Variants in XXYLT1 observed in about 807,000 individuals in gnomAD.
XXYLT1 encodes the protein xyloside xylosyltransferase 1.
XXYLT1 carries 20 observed loss-of-function variants against 28.9 expected under a neutral mutation model. That is an observed-to-expected ratio of 0.69 (90% confidence interval 0.49 to 1.00). The LOEUF (loss-of-function observed/expected upper bound fraction) is 1.00, where lower values mean the gene tolerates loss of function less well. Ranked by LOEUF, XXYLT1 falls within the 50% of genes least tolerant of loss-of-function variation. The probability of loss-of-function intolerance (pLI) is 0.00; values close to 1 mark genes in which losing one functional copy is unlikely to be tolerated. For synonymous variants in XXYLT1, 257 were observed against 253.8 expected, an observed-to-expected ratio of 1.01 and a Z score of -0.12; for missense variants, 542 against 560.1, an observed-to-expected ratio of 0.97 and a Z score of 0.33.
At chr3:195,220,276 G>A (rs1231292968) in intron 2 of XXYLT1, among the ~76,000 whole-genome samples, 7 of 152,084 alleles carry the variant, frequency 4.6e-5, no homozygotes, top group African/African-American at 1.7e-4. Flanking sequence ...CAAGTAGCTG[G>A]GACTACAGGC....
chr3:195,149,547 A>C (rs1385867641), intron 3 of XXYLT1, among the ~76,000 whole-genome samples: 1 of 152,238 alleles, frequency 6.6e-6, no homozygotes. Flanking sequence ...AGCCAGGCTC[A>C]GTGAAACAGG....
intron 2 of XXYLT1, among the ~76,000 whole-genome samples, chr3:195,204,493 C>G (rs1489316826): frequency 6.6e-6 from 1 of 151,964 alleles, no homozygotes; most frequent in Non-Finnish European, 1.5e-5. Flanking sequence ...CTCTCTCTCT[C>G]TCTCTCTCTC....
intron 3 of XXYLT1, among the ~76,000 whole-genome samples, chr3:195,143,079 C>T (rs1206724338): frequency 1.3e-5 from 2 of 152,134 alleles, no homozygotes; most frequent in African/African-American, 4.8e-5. Context: ...TTATGCTTGG[C>T]CTTGACATTT....
At chr3:195,149,302 A>C (rs1007072763) in intron 3 of XXYLT1, among the ~76,000 whole-genome samples, 4 of 152,254 alleles carry the variant, frequency 2.6e-5, no homozygotes, top group African/African-American at 9.6e-5. Flanking sequence ...ATCACTTTTT[A>C]ATGATGAGTT....
intron 2 of XXYLT1, among the ~76,000 whole-genome samples, chr3:195,194,592 T>C (rs977651590): frequency 6.6e-6 from 1 of 152,158 alleles, no homozygotes; most frequent in Admixed American, 6.5e-5. Context: ...AAAATATATG[T>C]TCACACAAAG....
intron 3 of XXYLT1, among the ~76,000 whole-genome samples, chr3:195,103,384 C>T (rs1384094755): frequency 1.3e-5 from 2 of 150,868 alleles, no homozygotes; most frequent in Non-Finnish European, 2.9e-5. Flanking sequence ...CGTCCATCAC[C>T]CCACGCCAGC....
intron 2 of XXYLT1, among the ~76,000 whole-genome samples, chr3:195,182,897 C>T (rs916510785): frequency 5.9e-5 from 9 of 152,180 alleles, no homozygotes; most frequent in African/African-American, 1.7e-4. Context: ...TGTGCCTGTA[C>T]TAACGTATGT....
chr3:195,099,250 C>A (rs934619392), intron 3 of XXYLT1, among the ~76,000 whole-genome samples: 9 of 152,222 alleles, frequency 5.9e-5, no homozygotes, highest in Non-Finnish European at 1.2e-4. Context: ...CAGCTTCACA[C>A]ATACGAGGTT....
Position 195,226,690 on chromosome 3 carries a change from T to C in XXYLT1, c.652+19A>G. Reference sequence around the variant, plus strand: ...AAGTCAGACACCCAGGGGCTATTGCTCCTGGAAGCCCAGGTTACCTTTGGG... The same window carrying C: ...AAGTCAGACACCCAGGGGCTATTGCCCCTGGAAGCCCAGGTTACCTTTGGG... On this transcript the variant is annotated intron_variant, in intron 2 of 3. Coordinates refer to ENST00000310380, the MANE Select transcript of XXYLT1 (RefSeq NM_152531.5). 1 of 1,609,698 alleles carries C rather than the reference T, an allele frequency of 6.2e-7. No individual in the cohort carries two copies. The highest frequency in any genetic ancestry group is 1.1e-5 in the South Asian group (1 of 90,864).
intron 1 of XXYLT1, among the ~76,000 whole-genome samples, chr3:195,254,330 A>ACC (rs2108844706): frequency 6.6e-6 from 1 of 152,338 alleles, no homozygotes; most frequent in East Asian, 1.9e-4. Context: ...TCGAAGCCTG[A>ACC]CGAGGTGATT....
intron 2 of XXYLT1, chr3:195,175,736 T>C: frequency 6.5e-7 from 1 of 1,534,888 alleles, no homozygotes; most frequent in Non-Finnish European, 8.7e-7. Flanking sequence ...ACTGTAGCAG[T>C]GAGAAGCCAC....
Position 195,069,574 on chromosome 3 carries a change from G to A in XXYLT1, c.*141C>T, listed in dbSNP as rs1235624207. On this transcript the variant is annotated 3_prime_UTR_variant, in exon 4 of 4. Coordinates refer to ENST00000310380, the MANE Select transcript of XXYLT1 (RefSeq NM_152531.5). ...GTGGCCTCAGCACAGTGACCTGCCC[G>A]GCAGGAGGTCTCAGCACCTTAATCA... The A allele has an allele frequency of 1.7e-5, 22 of 1,279,624 alleles. No individual in the cohort carries two copies. Among genetic ancestry groups the A allele is most frequent in the Middle Eastern group, 2.8e-4 (1 of 3,550 alleles). The allele number at this position is 1,279,624 out of a possible 1,614,324, so 79.3% of individuals were successfully genotyped here.
In XXYLT1 at chr3:195,173,051, C is replaced by A. The variant is rs1383676901; in HGVS notation, c.653-16470G>T. On this transcript the variant is annotated intron_variant, in intron 2 of 3. Coordinates refer to ENST00000310380, the MANE Select transcript of XXYLT1 (RefSeq NM_152531.5). This position sits in a 1 kb window ranked among gnomAD's most constrained non-coding sequence, Gnocchi z 4.3. ...GCAGCCCCCCGGGGCTGATCGACAC[C>A]CCTACTTTCAAGACTTGGCACCTCT... Among the ~76,000 whole-genome samples the A allele has an allele frequency of 6.6e-6, 1 of 152,094 alleles. No individual in the cohort carries two copies. The highest frequency in any genetic ancestry group is 2.4e-5 in the African/African-American group (1 of 41,404).
At chr3:195,234,184 TG>T (rs1439493415) in intron 1 of XXYLT1, among the ~76,000 whole-genome samples, 1 of 151,948 alleles carries the variant, frequency 6.6e-6, no homozygotes, top group African/African-American at 2.4e-5. Context: ...CCCAAAGTGC[TG>T]GGATTACAGG....
intron 3 of XXYLT1, among the ~76,000 whole-genome samples, chr3:195,099,251 A>T (rs1424098460): frequency 6.6e-6 from 1 of 152,204 alleles, no homozygotes; most frequent in African/African-American, 2.4e-5. Flanking sequence ...AGCTTCACAC[A>T]TACGAGGTTG....
intron 3 of XXYLT1, among the ~76,000 whole-genome samples, chr3:195,127,772 A>ATGTGTGTGTGTGTGTGTGTGTGTGTG (rs3073344): frequency 6.6e-6 from 1 of 151,434 alleles, no homozygotes; most frequent in African/African-American, 2.4e-5. Flanking sequence ...GTGAGACAAA[A>ATGTGTGTGTGTGTGTGTGTGTGTGTG]TGTGTGTGTG....
intron 3 of XXYLT1, among the ~76,000 whole-genome samples, chr3:195,156,113 C>A (rs1319246629): frequency 2.6e-5 from 4 of 152,230 alleles, no homozygotes; most frequent in Non-Finnish European, 1.5e-5. Context: ...GAAAGCCCAG[C>A]TGGTCAGTAG....
chr3:195,260,319 G>A (rs1483151824), intron 1 of XXYLT1, among the ~76,000 whole-genome samples: 2 of 152,048 alleles, frequency 1.3e-5, no homozygotes, highest in Non-Finnish European at 2.9e-5. Context: ...GACGCCCGCG[G>A]CCCCTCCTCT....
intron 2 of XXYLT1, among the ~76,000 whole-genome samples, chr3:195,179,976 C>G (rs1192653358): frequency 6.6e-6 from 1 of 152,180 alleles, no homozygotes; most frequent in Non-Finnish European, 1.5e-5. Context: ...ACTGTCTCCC[C>G]CAACACAGGC....
Sources: allele counts gnomAD v4.1 joint callset (sites outside exome capture counted in the v4.1 genomes callset), GRCh38; gene constraint gnomAD v4.1.1; non-coding constraint Gnocchi (gnomAD v3.1); transcripts MANE v1.5; gene names NCBI Gene and HGNC (gene_info 2026-07-23, HGNC 2026-07-21).